Variants in RNF138 observed in about 807,000 individuals in gnomAD.
The protein encoded by RNF138 is E3 ubiquitin-protein ligase RNF138.
RNF138 carries 12 observed loss-of-function variants against 31.0 expected under a neutral mutation model. That is an observed-to-expected ratio of 0.39 (90% CI 0.25 to 0.63). The LOEUF is 0.63. RNF138 is among the 20% of genes least tolerant of loss of function. The probability of loss-of-function intolerance (pLI) is 0.52; values close to 1 mark genes in which losing one functional copy is unlikely to be tolerated. For missense variants in RNF138, 192 were observed against 300.1 expected (o/e 0.64, Z 2.66); for synonymous variants, 105 against 99.5 (o/e 1.06, Z -0.33).
intron 2 of RNF138, among the ~76,000 whole-genome samples, chr18:32,105,326 A>G (rs1040753219): frequency 6.6e-6 from 1 of 152,112 alleles, no homozygotes; most frequent in Non-Finnish European, 1.5e-5. Flanking sequence ...CCTGACCTCA[A>G]TTGATCCACC....
chr18:32,096,982 T>G (rs1284446067), intron 2 of RNF138, among the ~76,000 whole-genome samples: 1 of 152,216 alleles, frequency 6.6e-6, no homozygotes, highest in Admixed American at 6.5e-5. Context: ...TCCTCCTGCC[T>G]CAGCCTCCCA....
At chr18:32,092,660 A>G in intron 1 of RNF138, 40 bp from the exon 2 acceptor site, 1 of 683,484 alleles carries the variant, frequency 1.5e-6, no homozygotes, top group South Asian at 1.6e-5. Flanking sequence ...CGCGCGCTGT[A>G]TCCTGATGCG....
At position 32,117,605 on chromosome 18, in the gene RNF138, G is replaced by A. The variant is rs1012143973; in HGVS notation, c.392+3745G>A. Among the ~76,000 whole-genome samples, 11 of 152,114 alleles carry A rather than the reference G, an allele frequency of 7.2e-5. No homozygotes were observed. The East Asian group carries it at 1.2e-3, about 16-fold the overall frequency. ...GACACACTCCACGTTATGAATATACGGGAATTGGTAAAACAGACATTATTT... is the reference window on the plus strand; with the variant it reads ...GACACACTCCACGTTATGAATATACAGGAATTGGTAAAACAGACATTATTT... On this transcript the variant is annotated intron_variant, in intron 4 of 7. Coordinates refer to ENST00000261593, the MANE Select transcript of RNF138 (RefSeq NM_016271.5).
At chr18:32,094,817 G>C (rs1035264842) in intron 2 of RNF138, among the ~76,000 whole-genome samples, 2 of 152,092 alleles carry the variant, frequency 1.3e-5, no homozygotes, top group Non-Finnish European at 2.9e-5. Context: ...TTTTTGGATA[G>C]AATCATTCTA....
At chr18:32,105,165 C>T (rs1299787606) in intron 2 of RNF138, among the ~76,000 whole-genome samples, 1 of 152,212 alleles carries the variant, frequency 6.6e-6, no homozygotes, top group African/African-American at 2.4e-5. Flanking sequence ...CATCTTGGCT[C>T]ACTGCAACTT....
chr18:32,104,657 A>G (rs2144581652), intron 2 of RNF138, among the ~76,000 whole-genome samples: 1 of 152,308 alleles, frequency 6.6e-6, no homozygotes, highest in Middle Eastern at 3.4e-3. Context: ...TAGAAGAAAA[A>G]CGTCACTTAC....
intron 2 of RNF138, among the ~76,000 whole-genome samples, chr18:32,100,921 T>C (rs529129891): frequency 6.6e-6 from 1 of 152,264 alleles, no homozygotes; most frequent in East Asian, 1.9e-4. Flanking sequence ...ATATTTAAAT[T>C]AAAATAAATG....
chr18:32,105,382 C>T (rs1266377799), intron 2 of RNF138, among the ~76,000 whole-genome samples: 3 of 152,180 alleles, frequency 2.0e-5, no homozygotes, highest in Admixed American at 1.3e-4. Context: ...TGAGCCACCG[C>T]ACTGGCCAAA....
At chr18:32,111,978 A>T in intron 3 of RNF138, 59 bp downstream of exon 3, 3 of 1,344,798 alleles carry the variant, frequency 2.2e-6, no homozygotes, top group Non-Finnish European at 2.0e-6. Context: ...TGAAATTCTT[A>T]TTTGAATTTT....
intron 2 of RNF138, among the ~76,000 whole-genome samples, chr18:32,110,852 C>T (rs957432741): frequency 1.3e-5 from 2 of 151,872 alleles, no homozygotes; most frequent in Non-Finnish European, 2.9e-5. Context: ...GCAATCTCGG[C>T]TCACTGCAAC....
At chr18:32,094,813 G>T (rs765227185) in intron 2 of RNF138, among the ~76,000 whole-genome samples, 1 of 151,980 alleles carries the variant, frequency 6.6e-6, no homozygotes, top group Non-Finnish European at 1.5e-5. Flanking sequence ...GTCTTTTTTG[G>T]ATAGAATCAT....
Position 32,129,481 on chromosome 18 carries a change from TC to T in RNF138, c.*295del. 4.4e-6 allele frequency: 1 copy of T among 228,726 alleles called. No individual in the cohort carries two copies. Among genetic ancestry groups the T allele is most frequent in the Non-Finnish European group, 8.4e-6 (1 of 119,576 alleles). The allele number at this position is 228,726 out of a possible 1,614,324, so 14.2% of individuals were successfully genotyped here. On this transcript the variant is annotated 3_prime_UTR_variant, in exon 8 of 8. Coordinates refer to ENST00000261593, the MANE Select transcript of RNF138 (RefSeq NM_016271.5). ...TTTTGTAATATTATTTTTGAATTTT[TC>T]ATTATTATGTTGCTTTTGAAATTTG...
chr18:32,092,748 G>T lies in RNF138; in HGVS notation c.-29G>T. ...CGTCACCTCGGCCGCTGCCGCTGTC[G>T]CCATCGCCTTGTTTCCCCATCCCCC... On this transcript the variant is annotated 5_prime_UTR_variant, in exon 2 of 8. Coordinates refer to ENST00000261593, the MANE Select transcript of RNF138 (RefSeq NM_016271.5). 3 of 1,446,200 alleles carry T rather than the reference G, an allele frequency of 2.1e-6. No individual in the cohort carries two copies. The highest frequency in any genetic ancestry group is 1.9e-6 in the Non-Finnish European group (2 of 1,060,006). 89.6% of individuals were successfully genotyped at this position (1,446,200 alleles called of 1,614,324 possible). A position where few individuals can be genotyped will look rare whatever the true frequency, so the allele number is the denominator to read the frequency against.
chr18:32,101,692 A>G (rs1383777203), intron 2 of RNF138, among the ~76,000 whole-genome samples: 1 of 152,194 alleles, frequency 6.6e-6, no homozygotes, highest in East Asian at 1.9e-4. Flanking sequence ...TTGCTTTCCC[A>G]AAAATTGAGC....
chr18:32,107,256 G>C (rs2144587322), intron 2 of RNF138, among the ~76,000 whole-genome samples: 1 of 150,870 alleles, frequency 6.6e-6, no homozygotes, highest in Admixed American at 6.6e-5. Context: ...GAGTAGCTGG[G>C]ACTACAGGTG....
intron 1 of RNF138, 161 bp from the exon 2 acceptor site, chr18:32,092,539 C>G: frequency 1.9e-6 from 1 of 517,494 alleles, no homozygotes. Flanking sequence ...CGTCCCCCAT[C>G]CAGCCCCCTG....
At chr18:32,092,948 CG>C in intron 2 of RNF138, 62 bp downstream of exon 2, 1 of 953,610 alleles carries the variant, frequency 1.0e-6, no homozygotes. Context: ...GCCTCCGGCC[CG>C]GGACCCCGGG....
intron 2 of RNF138, among the ~76,000 whole-genome samples, 193 bp downstream of exon 2, chr18:32,093,079 C>A (rs1358047340): frequency 6.6e-6 from 1 of 150,924 alleles, no homozygotes; most frequent in Non-Finnish European, 1.5e-5. Context: ...GGGGCCCGCT[C>A]CCCGCGTCCA....
intron 5 of RNF138, 77 bp downstream of exon 5, chr18:32,123,651 A>G: frequency 2.0e-6 from 2 of 1,005,276 alleles, no homozygotes; most frequent in Admixed American, 5.3e-5. Flanking sequence ...TTTAAATTAA[A>G]CTTTTTTTTT....
Sources: gnomAD v4.1 joint callset for allele counts (sites outside exome capture counted in the v4.1 genomes callset) on GRCh38, gnomAD v4.1.1 for gene constraint, MANE v1.5 for transcripts, NCBI Gene and HGNC (gene_info 2026-07-23, HGNC 2026-07-21) for gene names.